Variants in ACIN1 observed in about 807,000 individuals in gnomAD.
ACIN1 encodes the protein apoptotic chromatin condensation inducer in the nucleus.
Under a neutral mutation model 146.6 loss-of-function variants are expected in ACIN1, and 16 were observed. The observed-to-expected ratio is 0.11, with a 90% confidence interval of 0.07 to 0.17. The LOEUF is 0.17. Ranked by LOEUF, ACIN1 falls within the 10% of genes least tolerant of loss-of-function variation. The probability of loss-of-function intolerance (pLI) is 1.00; values close to 1 mark genes in which losing one functional copy is unlikely to be tolerated. For synonymous variants in ACIN1, 569 were observed against 582.7 expected (o/e 0.98, Z 0.34); for missense variants, 1,357 against 1,609.3 (o/e 0.84, Z 2.68).
Position 23,062,873 on chromosome 14 carries a change from CTAAAGCTCAAACT to C in ACIN1, c.2883+43_2883+55del. ...TGAGTGGAACCTAGGAGGCATAAGC[CTAAAGCTCAAACT>C]TAACCACTAAGCAAGCTGGGATGGT... On this transcript the variant is annotated intron_variant, in intron 14 of 18. Coordinates refer to ENST00000605057, the MANE Select transcript of ACIN1 (RefSeq NM_001386863.1). 6 of 1,547,248 alleles carry C rather than the reference CTAAAGCTCAAACT, an allele frequency of 3.9e-6. No homozygotes were observed. The Middle Eastern group carries it at 1.0e-3, about 269-fold the overall frequency.
At chr14:23,075,619 T>TTA in intron 8 of ACIN1, among the ~76,000 whole-genome samples, 1 of 151,360 alleles carries the variant, frequency 6.6e-6, no homozygotes, top group East Asian at 1.9e-4. Context: ...TTTTTTTTTT[T>TTA]AACACTTTAC....
At chr14:23,071,533 C>A in intron 8 of ACIN1, 1 of 1,551,284 alleles carries the variant, frequency 6.4e-7, no homozygotes, top group Non-Finnish European at 8.7e-7. Flanking sequence ...CAGCGATCAG[C>A]CGGAGACATG....
chr14:23,086,492 A>C (rs578167710), intron 4 of ACIN1, among the ~76,000 whole-genome samples: 7 of 152,218 alleles, frequency 4.6e-5, no homozygotes, highest in Non-Finnish European at 1.0e-4. Flanking sequence ...TGATGGAGAC[A>C]TAAGAGGGAA....
chr14:23,063,840 C>A (rs2047366569), intron 12 of ACIN1, among the ~76,000 whole-genome samples: 1 of 152,210 alleles, frequency 6.6e-6, no homozygotes, highest in Non-Finnish European at 1.5e-5. Context: ...TAGTTTGTTG[C>A]AACTACTCAA....
rs779464941 is a variant in ACIN1 at position 23,095,136 on chromosome 14, T to G, written c.-24A>C. 1 of 1,614,206 alleles carries G rather than the reference T, an allele frequency of 6.2e-7. No homozygotes were observed. Among genetic ancestry groups the G allele is most frequent in the Non-Finnish European group, 8.5e-7 (1 of 1,180,044 alleles). ...ATCTTGCGTGAGGTACTCGGGTCCGTCCCGACGGCTTCGGGCATCTTCGGT... is the reference window on the plus strand; with the variant it reads ...ATCTTGCGTGAGGTACTCGGGTCCGGCCCGACGGCTTCGGGCATCTTCGGT... On this transcript the variant is annotated 5_prime_UTR_variant, in exon 1 of 19. Coordinates refer to ENST00000605057, the MANE Select transcript of ACIN1 (RefSeq NM_001386863.1).
intron 4 of ACIN1, among the ~76,000 whole-genome samples, chr14:23,083,165 T>A (rs1395188476): frequency 6.6e-6 from 1 of 151,992 alleles, no homozygotes; most frequent in Non-Finnish European, 1.5e-5. Context: ...TCAAATTCCA[T>A]GAAGGAAGGT....
In ACIN1 at chr14:23,058,986, T is replaced by C. The variant is rs925534480; in HGVS notation, c.*162A>G. 1.1e-5 allele frequency: 7 copies of C among 656,610 alleles called. No individual in the cohort carries two copies. Among genetic ancestry groups the C allele is most frequent in the South Asian group, 1.9e-5 (1 of 52,552 alleles). The allele number at this position is 656,610 out of a possible 1,614,324, so 40.7% of individuals were successfully genotyped here. The stretch of plus-strand genomic sequence containing the variant: ...CAAGAGATAGGTTAAGGGGGTGTGT[T>C]TGGGGGGAAAAGGATGGCCACTTTT... On this transcript the variant is annotated 3_prime_UTR_variant, in exon 19 of 19. Coordinates refer to ENST00000605057, the MANE Select transcript of ACIN1 (RefSeq NM_001386863.1).
At chr14:23,095,317 G>A (rs1369951300), upstream of ACIN1, 1 of 1,567,018 alleles carries the variant, frequency 6.4e-7, no homozygotes, top group African/African-American at 1.4e-5. Context: ...CATCCGCCCT[G>A]CAGCGCCCCT....
chr14:23,080,600 C>A lies in ACIN1; in HGVS notation c.735G>T (p.Glu245Asp), dbSNP rs2047919234. 1.2e-6 allele frequency: 2 copies of A among 1,613,986 alleles called. No homozygotes were observed. Among genetic ancestry groups the A allele is most frequent in the African/African-American group, 2.7e-5 (2 of 74,888 alleles). The change falls in exon 6 of 19, where the codon GAG (glutamate) becomes GAT (aspartate). Residue 245 changes from glutamate (E) to aspartate (D), a missense_variant. By Grantham distance (45) the Glu-to-Asp change is conservative (BLOSUM62 2). This residue lies in a region of ACIN1 where 771 missense variants were observed against 746.6 expected (regional missense o/e 1.03). Transcript: ENST00000605057. Reference sequence around the variant, plus strand: ...GTATCTCTTCCCCTTCTTCCTTAAACTCTTTCAGGATTGGTGCCTCCCTAG... The same window carrying A: ...GTATCTCTTCCCCTTCTTCCTTAAAATCTTTCAGGATTGGTGCCTCCCTAG... ...QKSREAPILK[E>D]FKEEGEEIPR... is the part of the protein sequence containing the mutation.
At chr14:23,070,568 A>G (rs767251499) in intron 8 of ACIN1, among the ~76,000 whole-genome samples, 1 of 152,178 alleles carries the variant, frequency 6.6e-6, no homozygotes, top group Non-Finnish European at 1.5e-5. Flanking sequence ...GATTCACTTC[A>G]GATAAACTAT....
Position 23,061,327 on chromosome 14 carries a change from T to C in ACIN1, c.3395A>G (p.Lys1132Arg). The C allele has an allele frequency of 6.2e-7, 1 of 1,614,180 alleles. No individual in the cohort carries two copies. The highest frequency in any genetic ancestry group is 1.3e-5 in the African/African-American group (1 of 75,076). ...CTTCTCACTCTTCTTTTCTTTAGAC[T>C]TCGCACGTTCCTTGCGGCGGCGGTC... ...SRDRRRKERAKSKEKKSEKKE... is the reference protein window; with the variant it reads ...SRDRRRKERARSKEKKSEKKE... Residue 1132 changes from lysine (K) to arginine (R), a missense_variant, in exon 17 of 19, where the codon AAG (lysine) becomes AGG (arginine). Lys to Arg is a conservative substitution (Grantham distance 26). Coordinates refer to ENST00000605057, the MANE Select transcript of ACIN1 (RefSeq NM_001386863.1).
In ACIN1 at chr14:23,078,140, A is replaced by G. The variant is rs765111007; in HGVS notation, c.2123+11T>C. On this transcript the variant is annotated intron_variant, in intron 8 of 18. Transcript: ENST00000605057. The stretch of plus-strand genomic sequence containing the variant: ...TTCCCTGTTATACCCCGGTCGAGAT[A>G]TATCACTTACACAGTGTGATGAATT... 1.7e-5 allele frequency: 28 copies of G among 1,613,016 alleles called. 1 individual carries two copies. The East Asian group carries it at 4.7e-4, about 27-fold the overall frequency.
rs1393431737 is a variant in ACIN1, at chr14:23,093,161, A to G, written c.204+318T>C. On this transcript the variant is annotated intron_variant, in intron 2 of 18. Transcript: ENST00000605057. Reference sequence around the variant, plus strand: ...TTCATATCTATACTCAAAGACATCAACTACCTTTCCTAAATTCATGGCAGA... The same window carrying G: ...TTCATATCTATACTCAAAGACATCAGCTACCTTTCCTAAATTCATGGCAGA... 3.9e-5 allele frequency among the ~76,000 whole-genome samples: 6 copies of G among 152,248 alleles called. 1 individual carries two copies. Among genetic ancestry groups the G allele is most frequent in the Non-Finnish European group, 8.8e-5 (6 of 68,050 alleles).
rs189475643 is a variant in ACIN1 at position 23,070,381 on chromosome 14, C to T, written c.2124-764G>A. On this transcript the variant is annotated intron_variant, in intron 8 of 18. Transcript: ENST00000605057. ...GAGGTGTAGAAACTGTTCCTACATT[C>T]GGCTTTCACCCAGTTTCTCCCACTC... 9.5e-4 allele frequency among the ~76,000 whole-genome samples: 145 copies of T among 152,146 alleles called. 1 individual carries two copies. The highest frequency in any genetic ancestry group is 1.6e-3 in the Admixed American group (24 of 15,288).
Position 23,090,704 on chromosome 14 carries a change from G to A in ACIN1, c.205-71C>T, listed in dbSNP as rs188429017. 3.7e-5 allele frequency: 45 copies of A among 1,218,410 alleles called. No homozygotes were observed. In the African/African-American group the frequency reaches 6.2e-4, roughly 17 times the overall value. 75.5% of individuals were successfully genotyped at this position (1,218,410 alleles called of 1,614,324 possible). Reference sequence around the variant, plus strand: ...GAGAATGCAAAGAAGAACATTCCATGGAGCAAAGGTCCACTCCTTATAGTT... The same window carrying A: ...GAGAATGCAAAGAAGAACATTCCATAGAGCAAAGGTCCACTCCTTATAGTT... On this transcript the variant is annotated intron_variant, in intron 2 of 18. Transcript: ENST00000605057.
upstream of ACIN1, chr14:23,095,246 CG>C (rs745468900): frequency 3.2e-5 from 51 of 1,608,504 alleles, no homozygotes; most frequent in Non-Finnish European, 2.6e-5. Flanking sequence ...CAGAACTCCC[CG>C]GGTTCCTCCG....
At chr14:23,093,331 T>TC (rs1332999075) in intron 2 of ACIN1, 148 bp downstream of exon 2, 3 of 755,568 alleles carry the variant, frequency 4.0e-6, no homozygotes, top group Non-Finnish European at 6.5e-6. Context: ...TGATTAGAAT[T>TC]CAACTGTCCT....
chr14:23,091,241 C>A (rs1446567216), intron 2 of ACIN1, among the ~76,000 whole-genome samples: 1 of 152,170 alleles, frequency 6.6e-6, no homozygotes, highest in African/African-American at 2.4e-5. Flanking sequence ...GTAATTATAT[C>A]TTTTAGGCTA....
rs139044603 is a variant in ACIN1 at position 23,080,835 on chromosome 14, C to T, written c.526-26G>A. The T allele has an allele frequency of 1.8e-4, 288 of 1,563,524 alleles. No homozygotes were observed. In the East Asian group the frequency reaches 5.9e-3, roughly 32 times the overall value. On this transcript the variant is annotated intron_variant, in intron 5 of 18. Transcript: ENST00000605057. ...CTGAAAGAACAGATACACAATGGCT[C>T]CAAATGTATTTGCTCACAGTCAACA...
Sources: gnomAD v4.1 joint callset for allele counts (sites outside exome capture counted in the v4.1 genomes callset) on GRCh38, gnomAD v4.1.1 for gene constraint, gnomAD v4.1.1 regional missense constraint, MANE v1.5 for transcripts, NCBI Gene and HGNC (gene_info 2026-07-23, HGNC 2026-07-21) for gene names.